CNTNAP5: variants seen among roughly 807,000 people sequenced by gnomAD.
The protein encoded by CNTNAP5 is contactin-associated protein-like 5.
A neutral mutation model predicts 150.2 loss-of-function variants in CNTNAP5; 72 were observed. The ratio of observed to expected loss-of-function variants is 0.48; its 90% confidence interval spans 0.40 to 0.58. The LOEUF (loss-of-function observed/expected upper bound fraction) is 0.58, where lower values mean the gene tolerates loss of function less well. Among genes scored for constraint, CNTNAP5 ranks in the 20% least tolerant of loss-of-function variants. The pLI is 0.00. For missense variants in CNTNAP5, 1,636 were observed against 1,626.2 expected (o/e 1.01, Z -0.10); for synonymous variants, 672 against 619.8 (o/e 1.08, Z -1.25).
At chr2:124,429,939 T>G (rs1223152517) in intron 4 of CNTNAP5, among the ~76,000 whole-genome samples, 1 of 152,176 alleles carries the variant, frequency 6.6e-6, no homozygotes, top group African/African-American at 2.4e-5. Context: ...TGGCATACCC[T>G]TCCGAGTCCA....
chr2:124,891,091 T>C (rs1265906497), intron 21 of CNTNAP5, among the ~76,000 whole-genome samples: 2 of 152,104 alleles, frequency 1.3e-5, no homozygotes, highest in Admixed American at 6.6e-5. Context: ...TCTCACCATT[T>C]TGTGGGTTAG....
chr2:124,030,663 A>C (rs147053873), intron 1 of CNTNAP5, among the ~76,000 whole-genome samples: 1,711 of 152,242 alleles, frequency 0.011, 11 homozygotes, highest in Non-Finnish European at 0.016. Context: ...AAAAGAAAAA[A>C]AAAATGGAGA....
intron 16 of CNTNAP5, among the ~76,000 whole-genome samples, chr2:124,768,086 G>A (rs970984243): frequency 6.6e-6 from 1 of 152,232 alleles, no homozygotes; most frequent in Admixed American, 6.5e-5. Flanking sequence ...GAATGGGAAA[G>A]AGGGAAGAGT....
chr2:124,359,571 T>C (rs1690137499), intron 3 of CNTNAP5, among the ~76,000 whole-genome samples: 2 of 143,708 alleles, frequency 1.4e-5, no homozygotes, highest in African/African-American at 5.2e-5. Context: ...TACCCAGTAG[T>C]CATTCAGGAG....
At chr2:124,410,616 C>T (rs1306899378) in intron 3 of CNTNAP5, among the ~76,000 whole-genome samples, 1 of 148,920 alleles carries the variant, frequency 6.7e-6, no homozygotes, top group African/African-American at 2.4e-5. Flanking sequence ...GAACAACCTG[C>T]TCCTGAATGA....
intron 21 of CNTNAP5, among the ~76,000 whole-genome samples, chr2:124,889,569 T>C (rs1678152185): frequency 6.6e-6 from 1 of 152,128 alleles, no homozygotes; most frequent in African/African-American, 2.4e-5. Flanking sequence ...AGCTCTTTTC[T>C]AAGCTCTTTT....
intron 13 of CNTNAP5, among the ~76,000 whole-genome samples, chr2:124,705,795 G>A (rs999078248): frequency 2.0e-5 from 3 of 151,614 alleles, no homozygotes; most frequent in African/African-American, 4.9e-5. Context: ...TCTGAATAAA[G>A]TTTTAAGATG....
At position 124,871,698 on chromosome 2, in the gene CNTNAP5, C is replaced by G. The variant is rs112819963; in HGVS notation, c.3436+1936C>G. On this transcript the variant is annotated intron_variant, in intron 21 of 23. Transcript: ENST00000682447. The stretch of plus-strand genomic sequence containing the variant: ...GCTATTGAAGGTGCTCTGACCACCT[C>G]CATACCTACTACTTACAAGTTGATT... 2.9e-4 allele frequency among the ~76,000 whole-genome samples: 44 copies of G among 152,208 alleles called. 1 individual carries two copies. The highest frequency in any genetic ancestry group is 3.4e-3 in the Middle Eastern group (1 of 294).
intron 3 of CNTNAP5, among the ~76,000 whole-genome samples, chr2:124,411,185 A>G (rs1165972021): frequency 6.6e-6 from 1 of 152,236 alleles, no homozygotes; most frequent in Admixed American, 6.5e-5. Flanking sequence ...ACCAGGAAGA[A>G]GTTGAATCTG....
chr2:124,297,810 T>TTTTA (rs769649857), intron 3 of CNTNAP5, among the ~76,000 whole-genome samples: 29 of 126,388 alleles, frequency 2.3e-4, no homozygotes, highest in South Asian at 7.7e-4. Context: ...CATCCAATTA[T>TTTTA]TTATTATTAT....
chr2:124,671,732 C>A (rs759045827), intron 13 of CNTNAP5, among the ~76,000 whole-genome samples: 2 of 152,098 alleles, frequency 1.3e-5, no homozygotes, highest in Non-Finnish European at 2.9e-5. Flanking sequence ...TTCTGCCTCC[C>A]AGGTTCAAGT....
At chr2:124,474,410 C>T (rs1458864942) in intron 6 of CNTNAP5, among the ~76,000 whole-genome samples, 1 of 151,890 alleles carries the variant, frequency 6.6e-6, no homozygotes, top group East Asian at 1.9e-4. Context: ...TTTTAAGATG[C>T]TTGGATAAGA....
At chr2:124,135,549 TAAG>T (rs370154186) in intron 1 of CNTNAP5, among the ~76,000 whole-genome samples, 3 of 152,244 alleles carry the variant, frequency 2.0e-5, no homozygotes, top group Non-Finnish European at 2.9e-5. Context: ...CAAGTGCTCA[TAAG>T]AAGAACTTAC....
chr2:124,888,026 G>T (rs766810410), intron 21 of CNTNAP5, among the ~76,000 whole-genome samples: 1 of 152,000 alleles, frequency 6.6e-6, no homozygotes, highest in Non-Finnish European at 1.5e-5. Context: ...TGGGTATATT[G>T]CATGATGCTC....
intron 1 of CNTNAP5, among the ~76,000 whole-genome samples, chr2:124,103,764 G>A (rs776013814): frequency 2.1e-4 from 32 of 150,390 alleles, no homozygotes; most frequent in East Asian, 1.4e-3. Flanking sequence ...ACAGATCTCC[G>A]TTGTTAAGTG....
intron 4 of CNTNAP5, among the ~76,000 whole-genome samples, chr2:124,426,810 G>A (rs959906142): frequency 2.0e-5 from 3 of 152,210 alleles, no homozygotes. Context: ...AGCTGTGGCA[G>A]CCAGGTCAGC....
chr2:124,268,265 GTGT>G (rs1573879302), intron 3 of CNTNAP5, among the ~76,000 whole-genome samples: 1 of 152,110 alleles, frequency 6.6e-6, no homozygotes, highest in Admixed American at 6.5e-5. Flanking sequence ...GTTTGTTGTT[GTGT>G]TGTTTTGTTG....
intron 4 of CNTNAP5, among the ~76,000 whole-genome samples, chr2:124,429,891 C>T (rs1338449813): frequency 6.6e-6 from 1 of 152,142 alleles, no homozygotes. Flanking sequence ...GCATAGGCAC[C>T]TCAATGGATC....
rs1340804174 is a variant in CNTNAP5 at position 124,271,691 on chromosome 2, A to G, written c.381+29298A>G. ...TATCTATCTATCTATCTATCTATCT[A>G]TCTATCTATCATCTATCTATCTATC... On this transcript the variant is annotated intron_variant, in intron 3 of 23. Coordinates refer to ENST00000682447, the MANE Select transcript of CNTNAP5 (RefSeq NM_001367498.1). Among the ~76,000 whole-genome samples the G allele has an allele frequency of 2.6e-5, 3 of 115,616 alleles. No individual in the cohort carries two copies. In the South Asian group the frequency reaches 9.1e-4, roughly 35 times the overall value. 75.8% of individuals were successfully genotyped at this position (115,616 alleles called of 152,430 possible).
Sources: gnomAD v4.1 joint callset for allele counts (sites outside exome capture counted in the v4.1 genomes callset) on GRCh38, gnomAD v4.1.1 for gene constraint, MANE v1.5 for transcripts, NCBI Gene and HGNC (gene_info 2026-07-23, HGNC 2026-07-21) for gene names.